Variants in KIF17 observed in about 807,000 individuals in gnomAD.
KIF17 encodes the protein kinesin-like protein KIF17.
Under a neutral mutation model 96.8 loss-of-function variants are expected in KIF17, and 80 were observed. The ratio of observed to expected loss-of-function variants is 0.83; its 90% CI spans 0.69 to 1.00. The LOEUF is 1.00. Among genes scored for constraint, KIF17 ranks in the 50% least tolerant of loss-of-function variants. The pLI is 0.00. For synonymous variants in KIF17, 567 were observed against 587.5 expected (o/e 0.97, Z 0.51); for missense variants, 1,280 against 1,372.9 (o/e 0.93, Z 1.07).
intron 10 of KIF17, among the ~76,000 whole-genome samples, chr1:20,683,489 T>C (rs1368000593): frequency 6.6e-6 from 1 of 152,000 alleles, no homozygotes; most frequent in Non-Finnish European, 1.5e-5. Context: ...ACCCCATCTC[T>C]ACTAAAAATA....
rs1174486481 is a variant in KIF17, at chr1:20,698,447, C to G, written c.1165G>C (p.Glu389Gln). The G allele has an allele frequency of 3.1e-6, 5 of 1,613,638 alleles. No individual in the cohort carries two copies. Among genetic ancestry groups the G allele is most frequent in the Non-Finnish European group, 4.2e-6 (5 of 1,179,996 alleles). Residue 389 changes from glutamate to glutamine, a missense_variant, in exon 6 of 15, where the codon GAG becomes CAG. Coordinates refer to ENST00000400463, the MANE Select transcript of KIF17 (RefSeq NM_001122819.3). ...ACAGGTTGGGGCAACAGCTTCTCCT[C>G]CACCTGCACAGGGTCTGGGGGCACC... ...RQVPPDPVQVEEKLLPQPVIQ... is the reference protein window; with the variant it reads ...RQVPPDPVQVQEKLLPQPVIQ...
chr1:20,704,808 G>A lies in KIF17; in HGVS notation c.762C>T (p.Gly254=), dbSNP rs770464662. ...TCTTGGTGGCCTCCTTGAGCCGCTC[G>A]CCCGTGGCCCCGGTCTTGGACTGCC... is the stretch of plus-strand genomic sequence containing the variant. ...SERQSKTGAT[G]ERLKEATKIN... Residue 254 remains glycine (G), a synonymous_variant, in exon 5 of 15, where the codon GGC becomes GGT. Transcript: ENST00000400463. The surrounding 1 kb of genome is among the most constrained non-coding windows in gnomAD (Gnocchi z 6.8). 1.4e-5 allele frequency: 23 copies of A among 1,608,152 alleles called. No homozygotes were observed. The highest frequency in any genetic ancestry group is 1.6e-4 in the Middle Eastern group (1 of 6,082).
chr1:20,664,559 G>C lies in KIF17; in HGVS notation c.*25C>G, dbSNP rs763308031. ...CCTGGCAGTCTCTACATGCCTATAA[G>C]GCAGGCAATGGCAAGCAGCTGTGCT... On this transcript the variant is annotated 3_prime_UTR_variant, in exon 15 of 15. Transcript: ENST00000400463. The C allele has an allele frequency of 6.2e-7, 1 of 1,613,812 alleles. No homozygotes were observed. The highest frequency in any genetic ancestry group is 1.3e-5 in the African/African-American group (1 of 74,928).
Position 20,698,507 on chromosome 1 carries a change from T to A in KIF17, c.1124-19A>T. On this transcript the variant is annotated intron_variant, in intron 5 of 14. Transcript: ENST00000400463. ...AGCAGGGCTGGGGGAGAAACAGAAATTAGCAGCCAGGATGAGGGGCACATT... is the reference window on the plus strand; with the variant it reads ...AGCAGGGCTGGGGGAGAAACAGAAAATAGCAGCCAGGATGAGGGGCACATT... 3 of 1,561,294 alleles carry A rather than the reference T, an allele frequency of 1.9e-6. No homozygotes were observed. Among genetic ancestry groups the A allele is most frequent in the Non-Finnish European group, 2.6e-6 (3 of 1,134,956 alleles).
chr1:20,669,157 C>T (rs965181560), intron 13 of KIF17, among the ~76,000 whole-genome samples: 42 of 151,264 alleles, frequency 2.8e-4, no homozygotes, highest in African/African-American at 9.9e-4. Context: ...GGTGGACTCC[C>T]GCTGGTGCCC....
chr1:20,712,719 T>TATC (rs1491165625), intron 3 of KIF17, among the ~76,000 whole-genome samples: 1 of 21,054 alleles, frequency 4.7e-5, no homozygotes, highest in African/African-American at 1.3e-4. Flanking sequence ...ATATATAAAA[T>TATC]TATATTATAT....
intron 8 of KIF17, among the ~76,000 whole-genome samples, chr1:20,686,963 C>T (rs985193757): frequency 6.6e-6 from 1 of 152,094 alleles, no homozygotes; most frequent in African/African-American, 2.4e-5. Context: ...GCCTCGTGGT[C>T]ACTGAAAGGT....
In KIF17 at chr1:20,700,062, T is replaced by TTTTTG. The variant is rs929394507; in HGVS notation, c.1124-1579_1124-1575dup. On this transcript the variant is annotated intron_variant, in intron 5 of 14. Coordinates refer to ENST00000400463, the MANE Select transcript of KIF17 (RefSeq NM_001122819.3). This position sits in a 1 kb window ranked among gnomAD's most constrained non-coding sequence, Gnocchi z 4.6. ...GCAGCAGTGAACTGGCTGTAGCCAGTTTTTGTTTTGTTTTGTTTTGTTTTT... is the reference window on the plus strand; with the variant it reads ...GCAGCAGTGAACTGGCTGTAGCCAGTTTTTGTTTTGTTTTGTTTTGTTTTGTTTTT... Among the ~76,000 whole-genome samples the TTTTTG allele has an allele frequency of 2.2e-4, 33 of 151,926 alleles. No homozygotes were observed. Among genetic ancestry groups the TTTTTG allele is most frequent in the South Asian group, 1.3e-3 (6 of 4,792 alleles).
intron 6 of KIF17, among the ~76,000 whole-genome samples, chr1:20,692,066 G>C (rs1034983756): frequency 2.6e-5 from 4 of 152,172 alleles, no homozygotes; most frequent in African/African-American, 9.6e-5. Context: ...CTTAGGATCT[G>C]CTAATGGTAT....
intron 13 of KIF17, among the ~76,000 whole-genome samples, chr1:20,669,237 C>T (rs111697518): frequency 3.3e-5 from 5 of 152,110 alleles, no homozygotes; most frequent in African/African-American, 9.6e-5. Context: ...GGAAGAGTTT[C>T]GTTGAAAACA....
At chr1:20,694,981 C>G (rs540658420) in intron 6 of KIF17, among the ~76,000 whole-genome samples, 1 of 152,190 alleles carries the variant, frequency 6.6e-6, no homozygotes, top group African/African-American at 2.4e-5. Flanking sequence ...CTTAGCAATA[C>G]GTGGATGGAA....
At chr1:20,705,585 G>A (rs2154537302) in intron 4 of KIF17, among the ~76,000 whole-genome samples, 1 of 152,342 alleles carries the variant, frequency 6.6e-6, no homozygotes, top group Non-Finnish European at 1.5e-5. Flanking sequence ...GACACGCTTT[G>A]AAGACAAAAC....
intron 10 of KIF17, among the ~76,000 whole-genome samples, chr1:20,683,991 C>T (rs6700270): frequency 0.01 from 1,532 of 152,370 alleles, 19 homozygotes; most frequent in African/African-American, 0.034. Context: ...GTGCCCAGCG[C>T]GGGGCTGCCA....
intron 6 of KIF17, among the ~76,000 whole-genome samples, chr1:20,696,782 A>G (rs2054148633): frequency 1.3e-5 from 2 of 151,406 alleles, no homozygotes; most frequent in Non-Finnish European, 2.9e-5. Flanking sequence ...GTGTGACTCC[A>G]TGCCCACTCC....
At chr1:20,690,532 T>G (rs28454453) in intron 6 of KIF17, among the ~76,000 whole-genome samples, 197 bp from the exon 7 acceptor site, 6,641 of 150,648 alleles carry the variant, frequency 0.044, 250 homozygotes, top group African/African-American at 0.1. Context: ...TTTGTTTTGT[T>G]TTGTTTTTGA....
chr1:20,667,053 T>G (rs779486472), intron 13 of KIF17, among the ~76,000 whole-genome samples: 1 of 152,148 alleles, frequency 6.6e-6, no homozygotes, highest in Admixed American at 6.5e-5. Flanking sequence ...AGCTCTAGTT[T>G]CAGGATGCTT....
chr1:20,709,745 G>A lies in KIF17; in HGVS notation c.564C>T (p.Ile188=), dbSNP rs980896987. 2 of 1,614,028 alleles carry A rather than the reference G, an allele frequency of 1.2e-6. No homozygotes were observed. The highest frequency in any genetic ancestry group is 2.7e-5 in the African/African-American group (2 of 74,940). Residue 188 remains isoleucine (I), a synonymous_variant, in exon 4 of 15, where the codon ATC becomes ATT. Coordinates refer to ENST00000400463, the MANE Select transcript of KIF17 (RefSeq NM_001122819.3). The surrounding 1 kb of genome is among the most constrained non-coding windows in gnomAD (Gnocchi z 4.7). Reference sequence around the variant, plus strand: ...AACGGTTCTTCCAGCCAGTCTCCATGATGTGCTCACACTGGGCCACGCTGT... The same window carrying A: ...AACGGTTCTTCCAGCCAGTCTCCATAATGTGCTCACACTGGGCCACGCTGT... The part of the protein sequence containing the change: ...TVHSVAQCEH[I]METGWKNRSV...
At chr1:20,678,102 G>A (rs190707243) in intron 11 of KIF17, among the ~76,000 whole-genome samples, 1 of 152,296 alleles carries the variant, frequency 6.6e-6, no homozygotes, top group East Asian at 1.9e-4. Context: ...AGTTCCACAT[G>A]GCTGGGGCGG....
chr1:20,676,601 T>A, intron 11 of KIF17, among the ~76,000 whole-genome samples: 1 of 148,120 alleles, frequency 6.8e-6, no homozygotes, highest in East Asian at 2.1e-4. Flanking sequence ...GAGGCCAAGG[T>A]GGGGCGGATC....
Sources: allele counts gnomAD v4.1 joint callset (sites outside exome capture counted in the v4.1 genomes callset), GRCh38; gene constraint gnomAD v4.1.1; non-coding constraint Gnocchi (gnomAD v3.1); transcripts MANE v1.5; gene names NCBI Gene and HGNC (gene_info 2026-07-23, HGNC 2026-07-21).